MUC6: variants seen among roughly 807,000 people sequenced by gnomAD.
MUC6 encodes the protein mucin-6.
Under a neutral mutation model 201.5 loss-of-function variants are expected in MUC6, and 188 were observed. That is an observed-to-expected ratio of 0.93 (90% CI 0.83 to 1.05). The LOEUF is 1.05. MUC6 is among the 50% of genes least tolerant of loss of function. MUC6 has a pLI of 0.00. For missense variants in MUC6, 2,706 were observed against 3,256.9 expected (o/e 0.83, Z 4.12); for synonymous variants, 1,228 against 1,389.4 (o/e 0.88, Z 2.58).
chr11:1,014,624 A>G (rs1020897666), intron 31 of MUC6, among the ~76,000 whole-genome samples: 1 of 152,218 alleles, frequency 6.6e-6, no homozygotes, highest in Non-Finnish European at 1.5e-5. Context: ...CAGCGTTGGC[A>G]TTAGAAACCG....
rs760273204 is a variant in MUC6 at position 1,029,139 on chromosome 11, A to C, written c.1287T>G (p.Leu429=). Residue 429 remains leucine (L), a synonymous_variant, in exon 11 of 33, where the codon CTT becomes CTG. Transcript: ENST00000421673. ...CAGCCATGAGGGCACCGTCCTCGGG[A>C]AGCTGGGGGCTCTGCGAGGGGGCGG... ...CTYILLQSPQ[L]PEDGALMAVY... 3.7e-6 allele frequency: 6 copies of C among 1,611,884 alleles called. No individual in the cohort carries two copies. Among genetic ancestry groups the C allele is most frequent in the Non-Finnish European group, 4.2e-6 (5 of 1,179,506 alleles).
intron 22 of MUC6, 54 bp from the exon 23 acceptor site, chr11:1,025,421 ACAG>A: frequency 6.4e-7 from 1 of 1,571,942 alleles, no homozygotes; most frequent in South Asian, 1.1e-5. Flanking sequence ...GGCCCCTGGC[ACAG>A]CCGTGCTGGA....
chr11:1,014,128 T>A, intron 31 of MUC6, 127 bp from the exon 32 acceptor site: 1 of 750,452 alleles, frequency 1.3e-6, no homozygotes, highest in Non-Finnish European at 2.2e-6. Context: ...TGGTCTCCCC[T>A]TGTGGAGCCC....
chr11:1,035,975 G>A (rs1857207008), intron 1 of MUC6, among the ~76,000 whole-genome samples: 2 of 152,240 alleles, frequency 1.3e-5, no homozygotes, highest in African/African-American at 4.8e-5. Flanking sequence ...CAGCCGCAGG[G>A]CAGGCGGTTG....
chr11:1,028,727 C>T lies in MUC6; in HGVS notation c.1510G>A (p.Gly504Arg), dbSNP rs771232514. The change falls in exon 13 of 33, where the codon GGG (glycine) becomes AGG (arginine). Residue 504 changes from glycine (G) to arginine (R), a missense_variant. Gly to Arg is a moderately radical substitution (Grantham distance 125, BLOSUM62 -2). Transcript: ENST00000421673. ...CGCAGCTGGACCACGAGCTCCAGCC[C>T]GAAGCTGGTGGCCATCTGGAGGTGG... ...STHLQMATSF[G>R]LELVVQLRPI... 2.5e-6 allele frequency: 4 copies of T among 1,612,356 alleles called. No homozygotes were observed. Among genetic ancestry groups the T allele is most frequent in the South Asian group, 2.2e-5 (2 of 91,006 alleles).
At position 1,031,277 on chromosome 11, in the gene MUC6, G is replaced by C. The variant is rs1243402033; in HGVS notation, c.484-18C>G. ...ACCAGAACCTGCGGGAGACGGCTCT[G>C]CTGGGGGCCCGGGGGCCAGGGGCCC... is the stretch of plus-strand genomic sequence containing the variant. On this transcript the variant is annotated intron_variant, in intron 4 of 32. Transcript: ENST00000421673. The C allele has an allele frequency of 1.3e-6, 2 of 1,553,602 alleles. No individual in the cohort carries two copies. Among genetic ancestry groups the C allele is most frequent in the African/African-American group, 2.7e-5 (2 of 73,142 alleles).
chr11:1,031,547 G>A, intron 4 of MUC6, 60 bp downstream of exon 4: 2 of 1,529,066 alleles, frequency 1.3e-6, no homozygotes, highest in Admixed American at 2.0e-5. Flanking sequence ...CCCCTCCCAA[G>A]TCCCACCTGC....
At position 1,025,219 on chromosome 11, in the gene MUC6, T is replaced by C. The variant is rs370138137; in HGVS notation, c.2948A>G (p.His983Arg). The C allele has an allele frequency of 3.1e-6, 5 of 1,612,696 alleles. No homozygotes were observed. The highest frequency in any genetic ancestry group is 4.2e-6 in the Non-Finnish European group (5 of 1,179,840). ...RYNLTLIWNR[H>R]MTILIRIARA... ...GGCGATCCTGATGAGGATGGTCATG[T>C]GCCTGTTCCAGATGAGCGTCAGGTT... The change falls in exon 23 of 33, where the codon CAC becomes CGC. Residue 983 changes from histidine (H) to arginine (R), a missense_variant. Physicochemically the swap from His to Arg is conservative, Grantham distance 29. Transcript: ENST00000421673.
chr11:1,028,674 A>T lies in MUC6; in HGVS notation c.1563T>A (p.Val521=). The part of the protein sequence containing the change: ...LRPIFQAYVT[V]GPQFRGQTRG... The stretch of plus-strand genomic sequence containing the variant: ...TGGTCTGACCTCTGAACTGGGGCCC[A>T]ACAGTGACATAGGCCTGGAAGATGG... The change falls in exon 13 of 33, where the codon GTT becomes GTA. Residue 521 remains valine (V), a synonymous_variant. Transcript: ENST00000421673. 2 of 1,610,228 alleles carry T rather than the reference A, an allele frequency of 1.2e-6. No homozygotes were observed. The highest frequency in any genetic ancestry group is 1.7e-4 in the Middle Eastern group (1 of 6,058).
Position 1,027,719 on chromosome 11 carries a change from C to G in MUC6, c.1947G>C (p.Leu649=). ...CCACACTGCTTCTCCAGCCCCAGAG[C>G]AGGACGCCCCGCAAGGAGCAGGCGT... ...YVHACSLRGV[L]LWGWRSSVDN... is the part of the protein sequence containing the mutation. Residue 649 remains leucine, a synonymous_variant, in exon 16 of 33, where the codon CTG becomes CTC. Coordinates refer to ENST00000421673, the MANE Select transcript of MUC6 (RefSeq NM_005961.3). The G allele has an allele frequency of 6.2e-7, 1 of 1,605,792 alleles. No individual in the cohort carries two copies. Among genetic ancestry groups the G allele is most frequent in the Non-Finnish European group, 8.5e-7 (1 of 1,176,822 alleles).
Position 1,026,369 on chromosome 11 carries a change from G to C in MUC6, c.2504C>G (p.Ser835Cys), listed in dbSNP as rs775744447. 1 of 1,603,902 alleles carries C rather than the reference G, an allele frequency of 6.2e-7. No individual in the cohort carries two copies. The highest frequency in any genetic ancestry group is 8.5e-7 in the Non-Finnish European group (1 of 1,176,042). The change falls in exon 20 of 33, where the codon TCC becomes TGC. Residue 835 changes from serine (S) to cysteine (C), a missense_variant. Transcript: ENST00000421673. ...EECPCEFSGV[S>C]YPGGAELHTD... is the part of the protein sequence containing the mutation. The stretch of plus-strand genomic sequence containing the variant: ...GTGGAGCTCAGCTCCTCCAGGGTAG[G>C]AGACCCCCGAGAACTCACATGGGCA...
rs771278289 is a variant in MUC6 at position 1,027,450 on chromosome 11, C to T, written c.2049G>A (p.Ser683=). The change falls in exon 17 of 33, where the codon TCG becomes TCA. Residue 683 remains serine, a synonymous_variant. Transcript: ENST00000421673. The part of the protein sequence containing the change: ...NSQACERTCL[S]LSDRATECHH... ...GGCACTCGGTGGCACGGTCCGACAG[C>T]GACAGGCAGGTGCGCTCACAGGCTT... The T allele has an allele frequency of 4.9e-5, 79 of 1,612,652 alleles. No individual in the cohort carries two copies. Among genetic ancestry groups the T allele is most frequent in the Non-Finnish European group, 5.8e-5 (68 of 1,179,832 alleles).
At position 1,016,086 on chromosome 11, in the gene MUC6, T is replaced by G. The variant is rs767822173; in HGVS notation, c.6715A>C (p.Ser2239Arg). The change falls in exon 31 of 33, where the codon AGC becomes CGC. Residue 2239 changes from serine to arginine, a missense_variant. Ser to Arg is a moderately radical substitution (Grantham distance 110). Transcript: ENST00000421673. ...GCAATGGTGCTGGAGGCTAGGTGGC[T>G]GGATGGGGTGGGAGACACGGTAACA... ...STVTVSPTPS[S>R]HLASSTIAFP... is the part of the protein sequence containing the mutation. 2 of 1,612,084 alleles carry G rather than the reference T, an allele frequency of 1.2e-6. No individual in the cohort carries two copies. Among genetic ancestry groups the G allele is most frequent in the Admixed American group, 1.7e-5 (1 of 59,908 alleles).
intron 18 of MUC6, 25 bp downstream of exon 18, chr11:1,027,116 C>T: frequency 1.2e-6 from 2 of 1,612,148 alleles, no homozygotes; most frequent in Non-Finnish European, 1.7e-6. Flanking sequence ...CAGTCCCAGC[C>T]TGCGGCCAGC....
At chr11:1,024,480 T>C (rs981443383) in intron 24 of MUC6, among the ~76,000 whole-genome samples, 1 of 152,222 alleles carries the variant, frequency 6.6e-6, no homozygotes, top group African/African-American at 2.4e-5. Context: ...TGCGCCGCGA[T>C]GGCCGGATCA....
In MUC6 at chr11:1,027,318, A is replaced by G. The variant is rs888603646; in HGVS notation, c.2181T>C (p.Gly727=). The change falls in exon 17 of 33, where the codon GGT becomes GGC. Residue 727 remains glycine, a synonymous_variant. Coordinates refer to ENST00000421673, the MANE Select transcript of MUC6 (RefSeq NM_005961.3). ...RKAQCPCILE[G]YKFILAEQST... ...ACTGCTCGGCCAGGATGAACTTGTA[A>G]CCCTCCAGTATGCACGGGCACTGGG... 1.2e-6 allele frequency: 2 copies of G among 1,612,584 alleles called. No homozygotes were observed. Among genetic ancestry groups the G allele is most frequent in the Middle Eastern group, 1.6e-4 (1 of 6,062 alleles).
rs751502219 is a variant in MUC6 at position 1,021,203 on chromosome 11, G to A, written c.3589+12C>T. On this transcript the variant is annotated intron_variant, in intron 27 of 32. Coordinates refer to ENST00000421673, the MANE Select transcript of MUC6 (RefSeq NM_005961.3). ...CAGGGGCAGGGTTCTCAGGGCAGCC[G>A]ACTGGACTTACTGCAGGGCACGCAC... 8.9e-6 allele frequency: 14 copies of A among 1,570,758 alleles called. No homozygotes were observed. The Admixed American group carries it at 1.4e-4, about 16-fold the overall frequency.
chr11:1,027,095 G>A (rs770132043), intron 18 of MUC6, 45 bp from the exon 19 acceptor site: 10 of 1,609,976 alleles, frequency 6.2e-6, no homozygotes, highest in Middle Eastern at 1.6e-4. Context: ...AGAGGAAGCC[G>A]GGGCCCCTCA....
Position 1,020,352 on chromosome 11 carries a change from C to T in MUC6, c.3641-95G>A, listed in dbSNP as rs1856779222. The T allele has an allele frequency of 1.2e-5, 18 of 1,455,646 alleles. No individual in the cohort carries two copies. The South Asian group carries it at 2.4e-4, about 20-fold the overall frequency. 90.2% of individuals were successfully genotyped at this position (1,455,646 alleles called of 1,614,324 possible). ...CCTGCTTGGCCCTGAAGCCGGGCAGCCCTGCAGGGGCCAATGATGTGCAGT... is the reference window on the plus strand; with the variant it reads ...CCTGCTTGGCCCTGAAGCCGGGCAGTCCTGCAGGGGCCAATGATGTGCAGT... On this transcript the variant is annotated intron_variant, in intron 28 of 32. Coordinates refer to ENST00000421673, the MANE Select transcript of MUC6 (RefSeq NM_005961.3).
Sources: gnomAD v4.1 joint callset for allele counts (sites outside exome capture counted in the v4.1 genomes callset) on GRCh38, gnomAD v4.1.1 for gene constraint, MANE v1.5 for transcripts, NCBI Gene and HGNC (gene_info 2026-07-23, HGNC 2026-07-21) for gene names.